DNAJC10: variants seen among roughly 807,000 people sequenced by gnomAD.
DNAJC10 encodes the protein endoplasmic reticulum disulfide reductase DNAJC10.
A neutral mutation model predicts 115.0 loss-of-function variants in DNAJC10; 101 were observed. The ratio of observed to expected loss-of-function variants is 0.88; its 90% CI spans 0.75 to 1.04. The LOEUF is 1.04. DNAJC10 is among the 50% of genes least tolerant of loss of function. The probability of loss-of-function intolerance (pLI) is 0.00; values close to 1 mark genes in which losing one functional copy is unlikely to be tolerated. For synonymous variants in DNAJC10, 307 were observed against 301.5 expected (o/e 1.02, Z -0.19); for missense variants, 981 against 928.8 (o/e 1.06, Z -0.73).
rs1049286063 is a variant in DNAJC10, at chr2:182,777,169, C to CT, written c.*38dup. The stretch of plus-strand genomic sequence containing the variant: ...ATGAAGAAAAAGTTTAAAAGAAATT[C>CT]TGACAGATGACATCAGAAGACACCT... On this transcript the variant is annotated 3_prime_UTR_variant, in exon 24 of 24. Transcript: ENST00000264065. 4.6e-6 allele frequency: 6 copies of CT among 1,307,522 alleles called. No homozygotes were observed. The African/African-American group carries it at 9.0e-5, about 20-fold the overall frequency. The allele number at this position is 1,307,522 out of a possible 1,614,324, so 81.0% of individuals were successfully genotyped here.
At chr2:182,756,277 T>TAA in intron 17 of DNAJC10, 37 bp from the exon 18 acceptor site, 1 of 1,545,468 alleles carries the variant, frequency 6.5e-7, no homozygotes, top group Non-Finnish European at 8.8e-7. Flanking sequence ...AGCTATGCTT[T>TAA]ATATATATGT....
At chr2:182,771,676 C>T (rs1694566790) in intron 22 of DNAJC10, among the ~76,000 whole-genome samples, 1 of 151,806 alleles carries the variant, frequency 6.6e-6, no homozygotes, top group African/African-American at 2.4e-5. Flanking sequence ...TGGTGATATC[C>T]CCTTTATCAT....
At chr2:182,767,843 T>C (rs1172938597) in intron 22 of DNAJC10, among the ~76,000 whole-genome samples, 1 of 152,104 alleles carries the variant, frequency 6.6e-6, no homozygotes, top group East Asian at 1.9e-4. Flanking sequence ...CAGGAGGCTG[T>C]TTTCAGCATT....
chr2:182,749,263 G>A (rs1470022149), intron 14 of DNAJC10, among the ~76,000 whole-genome samples: 8 of 130,906 alleles, frequency 6.1e-5, no homozygotes, highest in Non-Finnish European at 1.3e-4. Flanking sequence ...GGGTGTTAAA[G>A]TCTCCCATTA....
chr2:182,733,457 C>T (rs552739195), intron 10 of DNAJC10, among the ~76,000 whole-genome samples: 137 of 151,718 alleles, frequency 9.0e-4, no homozygotes, highest in African/African-American at 3.0e-3. Context: ...AAACCATGTC[C>T]CCCAGACCAA....
intron 22 of DNAJC10, among the ~76,000 whole-genome samples, chr2:182,763,898 G>A (rs1016956617): frequency 4.6e-5 from 7 of 152,090 alleles, no homozygotes; most frequent in Non-Finnish European, 1.0e-4. Flanking sequence ...TAAGTACAAC[G>A]GCCATCACCT....
In DNAJC10 at chr2:182,783,898, A is replaced by T. The variant is rs1479573816; in HGVS notation, c.*6766A>T. On this transcript the variant is annotated 3_prime_UTR_variant, in exon 24 of 24. Coordinates refer to ENST00000264065, the MANE Select transcript of DNAJC10 (RefSeq NM_018981.4). ...ATCTATCAAAAGGCCTATAATCTCA[A>T]TCTTCATGTTAAGACTTTGGAAAGT... is the stretch of plus-strand genomic sequence containing the variant. 4 of 152,196 alleles carry T rather than the reference A, an allele frequency of 2.6e-5. No homozygotes were observed. The highest frequency in any genetic ancestry group is 4.4e-5 in the Non-Finnish European group (3 of 68,044). The allele number at this position is 152,196 out of a possible 1,614,324, so 9.4% of individuals were successfully genotyped here. A position where few individuals can be genotyped will look rare whatever the true frequency, so the allele number is the denominator to read the frequency against.
At chr2:182,744,371 C>T (rs1189251826) in intron 14 of DNAJC10, among the ~76,000 whole-genome samples, 1 of 152,080 alleles carries the variant, frequency 6.6e-6, no homozygotes, top group Non-Finnish European at 1.5e-5. Flanking sequence ...GACATGAACT[C>T]CTTCAAGAAG....
chr2:182,759,370 A>G, intron 21 of DNAJC10, 63 bp downstream of exon 21: 6 of 1,481,308 alleles, frequency 4.1e-6, no homozygotes, highest in Admixed American at 4.8e-5. Flanking sequence ...TAGATAAAAC[A>G]TTGTAAGTAT....
At chr2:182,730,491 A>T in intron 8 of DNAJC10, 1 of 430,822 alleles carries the variant, frequency 2.3e-6, no homozygotes, top group Non-Finnish European at 4.6e-6. Context: ...TGAGGAAAAC[A>T]TTAGTAAACA....
At chr2:182,741,197 T>A in intron 12 of DNAJC10, 46 bp from the exon 13 acceptor site, 1 of 1,307,510 alleles carries the variant, frequency 7.6e-7, no homozygotes, top group Non-Finnish European at 1.1e-6. Context: ...TTAGAACCCT[T>A]AGAATTTCCC....
intron 14 of DNAJC10, among the ~76,000 whole-genome samples, chr2:182,748,090 A>T (rs1349027683): frequency 6.9e-6 from 1 of 145,574 alleles, no homozygotes; most frequent in Non-Finnish European, 1.5e-5. Context: ...CCACTTGATC[A>T]TGGTGGATAA....
At chr2:182,759,964 G>A (rs1694250360) in intron 21 of DNAJC10, among the ~76,000 whole-genome samples, 1 of 152,008 alleles carries the variant, frequency 6.6e-6, no homozygotes, top group Admixed American at 6.6e-5. Flanking sequence ...AGTCATCTAT[G>A]GTATTATACT....
chr2:182,750,682 G>A (rs1693992999), intron 14 of DNAJC10, among the ~76,000 whole-genome samples: 1 of 152,158 alleles, frequency 6.6e-6, no homozygotes, highest in Non-Finnish European at 1.5e-5. Context: ...GGCTACATCT[G>A]TACAATGTGT....
At chr2:182,762,157 A>AG (rs1694300591) in intron 21 of DNAJC10, among the ~76,000 whole-genome samples, 2 of 80,506 alleles carry the variant, frequency 2.5e-5, no homozygotes, top group Non-Finnish European at 4.9e-5. Flanking sequence ...ACTGCTGCTC[A>AG]GGAAAAAAAA....
rs759199265 is a variant in DNAJC10 at position 182,743,665 on chromosome 2, T to C, written c.1259T>C (p.Leu420Pro). Reference protein sequence around the residue: ...CSNLYVFQPSLAVFKGQGTKE... With the variant: ...CSNLYVFQPSPAVFKGQGTKE... ...AATCTGTATGTTTTTCAGCCGTCTCTAGCAGTATTTAAAGGACAAGGAACC... is the reference window on the plus strand; with the variant it reads ...AATCTGTATGTTTTTCAGCCGTCTCCAGCAGTATTTAAAGGACAAGGAACC... Residue 420 changes from leucine to proline, a missense_variant, in exon 14 of 24, where the codon CTA (leucine) becomes CCA (proline). Physicochemically the swap from Leu to Pro is moderately conservative, Grantham distance 98 (BLOSUM62 -3). Transcript: ENST00000264065. 3 of 1,613,654 alleles carry C rather than the reference T, an allele frequency of 1.9e-6. No homozygotes were observed. Among genetic ancestry groups the C allele is most frequent in the Non-Finnish European group, 2.5e-6 (3 of 1,179,684 alleles).
At chr2:182,740,157 G>C (rs1368094218) in intron 11 of DNAJC10, 142 bp from the exon 12 acceptor site, 7 of 1,161,512 alleles carry the variant, frequency 6.0e-6, no homozygotes, top group East Asian at 3.6e-5. Context: ...TTTGAAAAAA[G>C]ACATTTGGAA....
chr2:182,781,276 C>G lies in DNAJC10; in HGVS notation c.*4144C>G, dbSNP rs1325664399. The G allele has an allele frequency of 4.6e-5, 7 of 152,170 alleles. No individual in the cohort carries two copies. The highest frequency in any genetic ancestry group is 1.0e-4 in the Non-Finnish European group (7 of 68,040). The allele number at this position is 152,170 out of a possible 1,614,324, so 9.4% of individuals were successfully genotyped here. The stretch of plus-strand genomic sequence containing the variant: ...TAATGGTTTCCGGCTTCATCCCTGT[C>G]CCTGCAAAGGACATGAACGCATCCT... On this transcript the variant is annotated 3_prime_UTR_variant, in exon 24 of 24. Transcript: ENST00000264065.
intron 17 of DNAJC10, 114 bp from the exon 18 acceptor site, chr2:182,756,200 A>G (rs1013998337): frequency 1.7e-5 from 15 of 901,210 alleles, no homozygotes; most frequent in African/African-American, 1.5e-4. Context: ...AAAATTCTCA[A>G]TACTTCCAAG....
Sources: allele counts gnomAD v4.1 joint callset (sites outside exome capture counted in the v4.1 genomes callset), GRCh38; gene constraint gnomAD v4.1.1; transcripts MANE v1.5; gene names NCBI Gene and HGNC (gene_info 2026-07-23, HGNC 2026-07-21).